The following SLC8A1 variants were observed in gnomAD, a reference collection of about 807,000 sequenced individuals.
SLC8A1 encodes solute carrier family 8 member A1.
SLC8A1 carries 18 observed loss-of-function variants against 68.3 expected under a neutral mutation model. The observed-to-expected ratio is 0.26, with a 90% confidence interval of 0.18 to 0.39. The LOEUF is 0.39. Ranked by LOEUF, SLC8A1 falls within the 10% of genes least tolerant of loss-of-function variation. The pLI, the probability that SLC8A1 is intolerant of heterozygous loss-of-function variation, is 1.00. For missense variants in SLC8A1, 985 were observed against 1,156.7 expected, an observed-to-expected ratio of 0.85 and a Z score of 2.15; for synonymous variants, 475 against 415.5, an observed-to-expected ratio of 1.14 and a Z score of -1.74.
intron 2 of SLC8A1, among the ~76,000 whole-genome samples, chr2:40,281,254 A>G (rs1276241698): frequency 2.0e-5 from 3 of 152,162 alleles, no homozygotes; most frequent in Non-Finnish European, 2.9e-5. Context: ...GTATTTAAAA[A>G]AAAAGGGTTG....
At chr2:40,219,945 A>T in intron 2 of SLC8A1, among the ~76,000 whole-genome samples, 1 of 150,112 alleles carries the variant, frequency 6.7e-6, no homozygotes. Context: ...GGTTAGGGCA[A>T]AATTTGACTA....
intron 2 of SLC8A1, among the ~76,000 whole-genome samples, chr2:40,266,469 G>T (rs949100001): frequency 2.0e-5 from 3 of 152,194 alleles, no homozygotes; most frequent in African/African-American, 7.2e-5. Context: ...ATATCAAGGA[G>T]ATAGAGTAGA....
Position 40,480,120 on chromosome 2 carries a change from TAG to T in SLC8A1, c.-25+32227_-25+32228del, listed in dbSNP as rs1704538859. ...AGATACTGATTTTTTCTGGTGCCAGTAGAGAGGCCAGAAACATTTAATCTTCA... is the reference window on the plus strand; with the variant it reads ...AGATACTGATTTTTTCTGGTGCCAGTAGAGGCCAGAAACATTTAATCTTCA... On this transcript the variant is annotated intron_variant, in intron 1 of 7. Transcript: ENST00000402441. Among the ~76,000 whole-genome samples, 3 of 152,094 alleles carry T rather than the reference TAG, an allele frequency of 2.0e-5. No homozygotes were observed. In the South Asian group the frequency reaches 6.2e-4, roughly 32 times the overall value.
At chr2:40,490,717 T>C (rs1382650818) in intron 1 of SLC8A1, among the ~76,000 whole-genome samples, 1 of 152,006 alleles carries the variant, frequency 6.6e-6, no homozygotes, top group East Asian at 1.9e-4. Context: ...AATGAAAGAC[T>C]TCTAACGTCA....
intron 2 of SLC8A1, among the ~76,000 whole-genome samples, chr2:40,385,778 T>C (rs373381213): frequency 6.6e-6 from 1 of 151,432 alleles, no homozygotes; most frequent in East Asian, 1.9e-4. Context: ...AAACAGAAGC[T>C]TGGCAAATAT....
intron 2 of SLC8A1, among the ~76,000 whole-genome samples, chr2:40,341,931 A>C (rs1667825109): frequency 1.3e-5 from 2 of 152,180 alleles, no homozygotes; most frequent in Admixed American, 6.5e-5. Flanking sequence ...TGGAGTGTGG[A>C]TCCTGCTTAG....
In SLC8A1 at chr2:40,429,235, G is replaced by C. The variant is rs745868215; in HGVS notation, c.1046C>G (p.Ala349Gly). 3.1e-6 allele frequency: 5 copies of C among 1,613,724 alleles called. No homozygotes were observed. Among genetic ancestry groups the C allele is most frequent in the East Asian group, 4.5e-5 (2 of 44,884 alleles). Residue 349 changes from alanine (A) to glycine (G), a missense_variant, in exon 2 of 8, where the codon GCT (alanine) becomes GGT (glycine). By Grantham distance (60) the Ala-to-Gly change is moderately conservative. Transcript: ENST00000406785. ...CTGCTGACTTAGGACTTGGTAGTTA[G>C]CTAATTCTATTAATTGCTCTATTTC...
intron 1 of SLC8A1, among the ~76,000 whole-genome samples, chr2:40,498,557 T>G (rs1237949545): frequency 6.6e-6 from 1 of 152,082 alleles, no homozygotes; most frequent in African/African-American, 2.4e-5. Context: ...ATTTTTAACA[T>G]AACTACATAA....
At chr2:40,190,089 G>A (rs896949203) in intron 2 of SLC8A1, among the ~76,000 whole-genome samples, 4 of 152,132 alleles carry the variant, frequency 2.6e-5, no homozygotes, top group East Asian at 1.9e-4. Context: ...TGGCTACCTC[G>A]CTAAGCATCT....
intron 2 of SLC8A1, among the ~76,000 whole-genome samples, chr2:40,411,122 G>A (rs1692004601): frequency 6.6e-6 from 1 of 151,962 alleles, no homozygotes; most frequent in Non-Finnish European, 1.5e-5. Flanking sequence ...AATGCCATTA[G>A]GAACTTTGAA....
intron 2 of SLC8A1, among the ~76,000 whole-genome samples, chr2:40,319,089 G>A (rs1231353827): frequency 6.6e-6 from 1 of 152,108 alleles, no homozygotes; most frequent in Non-Finnish European, 1.5e-5. Flanking sequence ...GACACAATGA[G>A]AAAGCCTTAA....
At chr2:40,386,193 A>G (rs1275572794) in intron 2 of SLC8A1, among the ~76,000 whole-genome samples, 1 of 151,438 alleles carries the variant, frequency 6.6e-6, no homozygotes, top group African/African-American at 2.5e-5. Flanking sequence ...AAGGACTGTT[A>G]GGAAATACGT....
At chr2:40,314,936 C>T (rs531701198) in intron 2 of SLC8A1, among the ~76,000 whole-genome samples, 14 of 152,016 alleles carry the variant, frequency 9.2e-5, no homozygotes, top group Middle Eastern at 3.4e-3. Flanking sequence ...ATGTTGTCTA[C>T]GAATACAGAG....
intron 2 of SLC8A1, among the ~76,000 whole-genome samples, chr2:40,252,684 A>G (rs1165460803): frequency 6.6e-6 from 1 of 151,644 alleles, no homozygotes; most frequent in African/African-American, 2.4e-5. Flanking sequence ...ACCTGTCATC[A>G]TAAAAGTTGC....
At chr2:40,193,908 C>G (rs370476260) in intron 2 of SLC8A1, among the ~76,000 whole-genome samples, 87 of 152,206 alleles carry the variant, frequency 5.7e-4, no homozygotes, top group African/African-American at 2.1e-3. Context: ...TCTGTCAAAG[C>G]TGAATAAATA....
chr2:40,182,054 C>T (rs2049675191), intron 2 of SLC8A1, among the ~76,000 whole-genome samples: 2 of 152,186 alleles, frequency 1.3e-5, no homozygotes, highest in South Asian at 4.1e-4. Context: ...AATCCCATGT[C>T]CACAGGACTT....
chr2:40,278,415 G>C (rs1437174843), intron 2 of SLC8A1, among the ~76,000 whole-genome samples: 1 of 152,116 alleles, frequency 6.6e-6, no homozygotes, highest in East Asian at 1.9e-4. Flanking sequence ...GTGGCAGTGA[G>C]CCAAGATCGC....
intron 2 of SLC8A1, among the ~76,000 whole-genome samples, chr2:40,235,429 T>G (rs1455114290): frequency 6.6e-6 from 1 of 152,088 alleles, no homozygotes; most frequent in African/African-American, 2.4e-5. Flanking sequence ...TGTATTTCTG[T>G]GGGATCGGTG....
At chr2:40,499,149 G>T (rs1045061452) in intron 1 of SLC8A1, among the ~76,000 whole-genome samples, 15 of 151,880 alleles carry the variant, frequency 9.9e-5, no homozygotes, top group Non-Finnish European at 2.2e-4. Flanking sequence ...ATATATAATC[G>T]TAAGGACTGG....
Sources: allele counts gnomAD v4.1 joint callset (sites outside exome capture counted in the v4.1 genomes callset), GRCh38; gene constraint gnomAD v4.1.1; transcripts MANE v1.5; gene names NCBI Gene and HGNC (gene_info 2026-07-23, HGNC 2026-07-21).